The following DNAH17 variants were observed in gnomAD, a reference collection of about 807,000 sequenced individuals.
The protein encoded by DNAH17 is dynein axonemal heavy chain 17.
DNAH17 carries 376 observed loss-of-function variants against 485.6 expected under a neutral mutation model. That is an observed-to-expected ratio of 0.77 (90% CI 0.71 to 0.84). The LOEUF (loss-of-function observed/expected upper bound fraction) is 0.84, where lower values mean the gene tolerates loss of function less well. Ranked by LOEUF, DNAH17 falls within the 40% of genes least tolerant of loss-of-function variation. DNAH17 has a pLI of 0.00. For synonymous variants in DNAH17, 3,031 were observed against 2,405.9 expected, an observed-to-expected ratio of 1.26 and a Z score of -7.60; for missense variants, 6,370 against 5,839.3, an observed-to-expected ratio of 1.09 and a Z score of -2.96.
chr17:78,531,722 T>C (rs188848699), intron 20 of DNAH17, among the ~76,000 whole-genome samples: 83 of 152,354 alleles, frequency 5.4e-4, no homozygotes, highest in African/African-American at 1.9e-3. Context: ...CTTTTTCTAT[T>C]CTTTTGCATT....
At chr17:78,510,758 C>CCCA (rs1555679578) in intron 26 of DNAH17, 3 of 394,436 alleles carry the variant, frequency 7.6e-6, no homozygotes, top group South Asian at 3.4e-5. Context: ...GCGGCCCCCC[C>CCCA]GCAAAATTCA....
At chr17:78,504,040 G>GA (rs1206469036) in intron 31 of DNAH17, among the ~76,000 whole-genome samples, 8 of 149,436 alleles carry the variant, frequency 5.4e-5, no homozygotes, top group East Asian at 3.9e-4. Context: ...GCCACTGGGA[G>GA]AAAAAAACCC....
rs922915428 is a variant in DNAH17 at position 78,547,489 on chromosome 17, A to G, written c.2392-3492T>C. On this transcript the variant is annotated intron_variant, in intron 16 of 80. Transcript: ENST00000389840. ...CTTGGGATTGTAAACTTTGGTCAGA[A>G]TATGTCTACATGTGTCATCTGGCCT... Among the ~76,000 whole-genome samples the G allele has an allele frequency of 2.6e-5, 4 of 152,290 alleles. No individual in the cohort carries two copies. The South Asian group carries it at 6.2e-4, about 24-fold the overall frequency.
intron 49 of DNAH17, 87 bp from the exon 50 acceptor site, chr17:78,479,719 T>A: frequency 1.3e-6 from 2 of 1,556,946 alleles, no homozygotes; most frequent in Non-Finnish European, 1.7e-6. Context: ...GAGTGGCCCC[T>A]GTCCTCATGT....
chr17:78,486,489 AT>A lies in DNAH17; in HGVS notation c.6835del (p.Ile2279SerfsTer13). On this transcript the variant is annotated frameshift_variant, in exon 45 of 81. Transcript: ENST00000389840. LOFTEE classifies it high-confidence loss of function. ...CTCCGACTGCACCTTGCGCCTCTCG[AT>A]CCAGCTGCTCACCACCCTGGGGGTG... The part of the protein sequence containing the change: ...LGWNPVVSSW[I>X]ERRKVQSEKA... 1 of 1,608,866 alleles carries A rather than the reference AT, an allele frequency of 6.2e-7. No homozygotes were observed. The highest frequency in any genetic ancestry group is 8.5e-7 in the Non-Finnish European group (1 of 1,176,864).
intron 24 of DNAH17, 57 bp downstream of exon 24, chr17:78,526,594 A>G: frequency 7.0e-7 from 1 of 1,429,464 alleles, no homozygotes; most frequent in Non-Finnish European, 9.5e-7. Context: ...TACTTGAGAA[A>G]AGAAAGCAGT....
chr17:78,484,932 C>T lies in DNAH17; in HGVS notation c.7585G>A (p.Val2529Met), dbSNP rs764958982. The T allele has an allele frequency of 1.9e-6, 3 of 1,608,614 alleles. No homozygotes were observed. In the South Asian group the frequency reaches 3.3e-5, roughly 18 times the overall value. Residue 2529 changes from valine (V) to methionine (M), a missense_variant, in exon 48 of 81, where the codon GTG becomes ATG. Transcript: ENST00000389840. Reference sequence around the variant, plus strand: ...GGGGCCACCGTCCCATACTTGTCCACCTCGGGCATGTTCATGTCGTCGATG... The same window carrying T: ...GGGGCCACCGTCCCATACTTGTCCATCTCGGGCATGTTCATGTCGTCGATG... ...YFIDDMNMPE[V>M]DKYGTVAPHT...
rs1430817614 is a variant in DNAH17 at position 78,493,974 on chromosome 17, T to C, written c.6408+62A>G. On this transcript the variant is annotated intron_variant, in intron 41 of 80. Transcript: ENST00000389840. The stretch of plus-strand genomic sequence containing the variant: ...GCGGGGAGTGATGGAGGGCCGACCC[T>C]TCGCCCCAGCCCTCCCCCACCATGC... 6 of 1,553,478 alleles carry C rather than the reference T, an allele frequency of 3.9e-6. No homozygotes were observed. The East Asian group carries it at 7.0e-5, about 18-fold the overall frequency.
At chr17:78,454,897 C>T (rs951303292) in intron 63 of DNAH17, among the ~76,000 whole-genome samples, 192 bp from the exon 64 acceptor site, 1 of 151,900 alleles carries the variant, frequency 6.6e-6, no homozygotes, top group African/African-American at 2.4e-5. Flanking sequence ...GATGTCAGCA[C>T]AGCAACACCG....
At position 78,475,288 on chromosome 17, in the gene DNAH17, G is replaced by A. The variant is rs1198049179; in HGVS notation, c.8501C>T (p.Pro2834Leu). 2 of 1,613,878 alleles carry A rather than the reference G, an allele frequency of 1.2e-6. No individual in the cohort carries two copies. Among genetic ancestry groups the A allele is most frequent in the Non-Finnish European group, 1.7e-6 (2 of 1,179,898 alleles). ...ACAGTAAGCTCTCACCTTGAGGTCG[G>A]GGATCCCGTAGCCCTTCTTGAGGGT... ...QITLKKGYGI[P>L]DLKIDLAAQY... The change falls in exon 54 of 81, where the codon CCC becomes CTC. Residue 2834 changes from proline (P) to leucine (L), a missense_variant. Pro to Leu is a moderately conservative substitution (Grantham distance 98). Coordinates refer to ENST00000389840, the MANE Select transcript of DNAH17 (RefSeq NM_173628.4).
intron 1 of DNAH17, among the ~76,000 whole-genome samples, chr17:78,576,447 C>T (rs1471683929): frequency 6.6e-6 from 1 of 152,132 alleles, no homozygotes; most frequent in Non-Finnish European, 1.5e-5. Context: ...GATTCAGGCA[C>T]ATCTGTGAAA....
At chr17:78,491,955 C>G (rs1019739360) in intron 42 of DNAH17, among the ~76,000 whole-genome samples, 1 of 152,178 alleles carries the variant, frequency 6.6e-6, no homozygotes, top group Non-Finnish European at 1.5e-5. Context: ...ATGCGTCAGG[C>G]ATGGAATGGA....
At chr17:78,551,669 A>G in intron 15 of DNAH17, 31 bp from the exon 16 acceptor site, 1 of 1,608,940 alleles carries the variant, frequency 6.2e-7, no homozygotes, top group Non-Finnish European at 8.5e-7. Context: ...AATCTTACAA[A>G]ATGAACAATT....
rs776576706 is a variant in DNAH17, at chr17:78,468,882, A to C, written c.8513T>G (p.Ile2838Ser). The C allele has an allele frequency of 3.1e-6, 5 of 1,612,414 alleles. No homozygotes were observed. In the South Asian group the frequency reaches 5.5e-5, roughly 18 times the overall value. Reference sequence around the variant, plus strand: ...CTTTATGTACTGAGCAGCGAGGTCAATCTGGACGGAGTGAGGACACGCTTA... The same window carrying C: ...CTTTATGTACTGAGCAGCGAGGTCACTCTGGACGGAGTGAGGACACGCTTA... ...KKGYGIPDLKIDLAAQYIKAA... is the reference protein window; with the variant it reads ...KKGYGIPDLKSDLAAQYIKAA... The change falls in exon 55 of 81, where the codon ATT becomes AGT. Residue 2838 changes from isoleucine to serine, a missense_variant and splice_region_variant. By Grantham distance (142) the Ile-to-Ser change is moderately radical (BLOSUM62 -2). Transcript: ENST00000389840.
intron 75 of DNAH17, among the ~76,000 whole-genome samples, chr17:78,430,641 T>C (rs692622): frequency 0.16 from 24,164 of 152,124 alleles, 2,040 homozygotes; most frequent in Middle Eastern, 0.2. Flanking sequence ...AGTGCAATGG[T>C]GCAGTCTCTG....
intron 58 of DNAH17, 129 bp from the exon 59 acceptor site, chr17:78,460,386 A>C: frequency 1.9e-6 from 1 of 514,788 alleles, no homozygotes; most frequent in South Asian, 2.2e-5. Context: ...GTATGTGTGC[A>C]TATATGTGCA....
At position 78,426,423 on chromosome 17, in the gene DNAH17, T is replaced by C. The variant is rs2086464910; in HGVS notation, c.12915+34A>G. The C allele has an allele frequency of 4.5e-6, 7 of 1,558,312 alleles. No homozygotes were observed. In the East Asian group the frequency reaches 1.6e-4, roughly 36 times the overall value. On this transcript the variant is annotated intron_variant, in intron 79 of 80. Coordinates refer to ENST00000389840, the MANE Select transcript of DNAH17 (RefSeq NM_173628.4). ...GAGCTCTGGGCACTCGGTCCCCGAG[T>C]CTTAGGAAGCCTCTCAGAGAAAACG...
rs773705431 is a variant in DNAH17, at chr17:78,494,667, C to T, written c.6196G>A (p.Val2066Ile). The change falls in exon 40 of 81, where the codon GTA becomes ATA. Residue 2066 changes from valine (V) to isoleucine (I), a missense_variant. Val to Ile is a conservative substitution (Grantham distance 29). Transcript: ENST00000389840. Reference sequence around the variant, plus strand: ...AGGTCCCCGATCAGTCCCATGAATACGGGCAGGTCGTCTGTCACAATCTTG... The same window carrying T: ...AGGTCCCCGATCAGTCCCATGAATATGGGCAGGTCGTCTGTCACAATCTTG... ...IPKIVTDDLPVFMGLIGDLFP... is the reference protein window; with the variant it reads ...IPKIVTDDLPIFMGLIGDLFP... 8.1e-6 allele frequency: 13 copies of T among 1,613,986 alleles called. No homozygotes were observed. In the East Asian group the frequency reaches 8.9e-5, roughly 11 times the overall value.
intron 65 of DNAH17, among the ~76,000 whole-genome samples, chr17:78,452,611 T>C (rs2087602154): frequency 6.6e-6 from 1 of 152,084 alleles, no homozygotes; most frequent in African/African-American, 2.4e-5. Flanking sequence ...GTTGGTGTGT[T>C]CCTGTAATCC....
Sources: allele counts gnomAD v4.1 joint callset (sites outside exome capture counted in the v4.1 genomes callset), GRCh38; gene constraint gnomAD v4.1.1; transcripts MANE v1.5; gene names NCBI Gene and HGNC (gene_info 2026-07-23, HGNC 2026-07-21).